Variants in MARCHF1 observed in about 807,000 individuals in gnomAD.
MARCHF1 encodes E3 ubiquitin-protein ligase MARCHF1.
MARCHF1 carries 40 observed loss-of-function variants against 54.2 expected under a neutral mutation model. The observed-to-expected ratio is 0.74, with a 90% CI of 0.57 to 0.96. MARCHF1 has a LOEUF of 0.96. MARCHF1 is among the 40% of genes least tolerant of loss of function. MARCHF1 has a pLI of 0.00. For missense variants in MARCHF1, 586 were observed against 656.5 expected (o/e 0.89, Z 1.17); for synonymous variants, 236 against 236.3 (o/e 1.00, Z 0.01).
intron 2 of MARCHF1, among the ~76,000 whole-genome samples, chr4:163,991,348 T>C (rs1459865022): frequency 6.6e-6 from 1 of 152,206 alleles, no homozygotes; most frequent in East Asian, 1.9e-4. Flanking sequence ...ACTTTGTACA[T>C]TCTAATACTT....
chr4:164,085,506 T>C (rs1447642215), intron 2 of MARCHF1, among the ~76,000 whole-genome samples: 1 of 151,854 alleles, frequency 6.6e-6, no homozygotes, highest in Non-Finnish European at 1.5e-5. Context: ...AAGAAAATTA[T>C]TTTCTCCAAC....
intron 4 of MARCHF1, among the ~76,000 whole-genome samples, chr4:163,832,582 A>ATATTATTATTATTATTAT (rs5863633): frequency 1.3e-4 from 19 of 147,620 alleles, no homozygotes; most frequent in East Asian, 5.9e-4. Flanking sequence ...TGGATCCAAA[A>ATATTATTATTATTATTAT]TATTATTATT....
Position 164,260,496 on chromosome 4 carries a change from A to T in MARCHF1, c.-323+123374T>A, listed in dbSNP as rs1297404375. Among the ~76,000 whole-genome samples the T allele has an allele frequency of 6.6e-5, 10 of 152,074 alleles. No homozygotes were observed. In the South Asian group the frequency reaches 2.1e-3, roughly 32 times the overall value. On this transcript the variant is annotated intron_variant, in intron 1 of 9. Transcript: ENST00000514618. ...AGCTGGCACACTTTTTCCAGTAGCC[A>T]TTCTACTTGGTATGCTTACTTATCA... is the stretch of plus-strand genomic sequence containing the variant.
chr4:163,715,789 A>G (rs1480515113), intron 4 of MARCHF1, among the ~76,000 whole-genome samples: 1 of 152,200 alleles, frequency 6.6e-6, no homozygotes, highest in Non-Finnish European at 1.5e-5. Flanking sequence ...CTCTGCTCCA[A>G]TCTCAAAAAC....
At chr4:164,234,075 C>T (rs1194434382) in intron 1 of MARCHF1, among the ~76,000 whole-genome samples, 1 of 152,078 alleles carries the variant, frequency 6.6e-6, no homozygotes, top group Non-Finnish European at 1.5e-5. Context: ...CAATTGAGGT[C>T]TATTTTGACA....
At chr4:164,204,123 T>G (rs1185797243) in intron 1 of MARCHF1, among the ~76,000 whole-genome samples, 1 of 152,146 alleles carries the variant, frequency 6.6e-6, no homozygotes, top group African/African-American at 2.4e-5. Flanking sequence ...CTTGATTATG[T>G]TTCTCTGTCT....
chr4:164,077,402 T>C (rs564209136), intron 2 of MARCHF1, among the ~76,000 whole-genome samples: 3 of 152,154 alleles, frequency 2.0e-5, no homozygotes, highest in African/African-American at 7.2e-5. Flanking sequence ...AAGACTGAAA[T>C]GTAAGACCTA....
chr4:164,265,927 G>T (rs1012187432), intron 1 of MARCHF1, among the ~76,000 whole-genome samples: 2 of 152,080 alleles, frequency 1.3e-5, no homozygotes, highest in Admixed American at 1.3e-4. Flanking sequence ...ACATAGTATC[G>T]AATCAAATTT....
chr4:164,041,389 T>A (rs1754126119), intron 2 of MARCHF1, among the ~76,000 whole-genome samples: 1 of 152,174 alleles, frequency 6.6e-6, no homozygotes, highest in African/African-American at 2.4e-5. Flanking sequence ...CATTGTCCTA[T>A]CTCAAACAGC....
chr4:164,193,733 G>A lies in MARCHF1; in HGVS notation c.-322-82071C>T, dbSNP rs555712573. On this transcript the variant is annotated intron_variant, in intron 1 of 9. Coordinates refer to ENST00000514618, the MANE Select transcript of MARCHF1 (RefSeq NM_001394959.1). ...ACATTTAAAAAATGAGTGGGTAAAT[G>A]AACAAATGCTGTCCAAAATCACCCT... Among the ~76,000 whole-genome samples the A allele has an allele frequency of 5.3e-5, 8 of 152,202 alleles. No individual in the cohort carries two copies. In the East Asian group the frequency reaches 1.4e-3, roughly 26 times the overall value.
At chr4:163,820,458 G>GA (rs1042656863) in intron 4 of MARCHF1, among the ~76,000 whole-genome samples, 2 of 151,896 alleles carry the variant, frequency 1.3e-5, no homozygotes, top group African/African-American at 4.8e-5. Flanking sequence ...CTTTCACTGG[G>GA]AAAAATCATT....
chr4:163,743,119 G>C lies in MARCHF1; in HGVS notation c.112-42256C>G, dbSNP rs115898178. On this transcript the variant is annotated intron_variant, in intron 4 of 9. Transcript: ENST00000514618. ...AACAATATCCTTGATTCCAATTTTA[G>C]AAGAGCTACTGGGGGAAGAGGACAG... 7.7e-3 allele frequency among the ~76,000 whole-genome samples: 1,171 copies of C among 152,242 alleles called. 8 individuals are homozygous for C. The highest frequency in any genetic ancestry group is 0.021 in the South Asian group (103 of 4,816).
At chr4:163,923,475 T>C (rs1751474123) in intron 3 of MARCHF1, among the ~76,000 whole-genome samples, 1 of 152,082 alleles carries the variant, frequency 6.6e-6, no homozygotes, top group African/African-American at 2.4e-5. Context: ...GTAGTTCTTT[T>C]AAGATTTCTT....
intron 1 of MARCHF1, among the ~76,000 whole-genome samples, chr4:164,351,896 C>A (rs1353863097): frequency 6.9e-6 from 1 of 144,340 alleles, no homozygotes; most frequent in African/African-American, 2.5e-5. Flanking sequence ...CTAGAAGAAC[C>A]AATACAGACA....
intron 4 of MARCHF1, among the ~76,000 whole-genome samples, chr4:163,724,312 G>A (rs193139534): frequency 9.8e-5 from 15 of 152,348 alleles, no homozygotes; most frequent in African/African-American, 3.1e-4. Context: ...AAGCAGCAGA[G>A]GCTGCAGAAC....
chr4:164,344,291 G>T (rs1162068226), intron 1 of MARCHF1, among the ~76,000 whole-genome samples: 1 of 152,154 alleles, frequency 6.6e-6, no homozygotes, highest in Non-Finnish European at 1.5e-5. Context: ...TATTACTGGA[G>T]TGAAAAAATA....
At chr4:164,284,372 G>A (rs1310137315) in intron 1 of MARCHF1, among the ~76,000 whole-genome samples, 1 of 149,874 alleles carries the variant, frequency 6.7e-6, no homozygotes, top group African/African-American at 2.5e-5. Context: ...GCAAGAACAA[G>A]CTGGTCTGGC....
At chr4:163,982,738 A>C (rs1006690961) in intron 3 of MARCHF1, among the ~76,000 whole-genome samples, 1 of 152,176 alleles carries the variant, frequency 6.6e-6, no homozygotes, top group African/African-American at 2.4e-5. Context: ...AAACTTCAGC[A>C]TTGGGAGCAT....
chr4:164,053,436 C>A (rs781580040), intron 2 of MARCHF1, among the ~76,000 whole-genome samples: 42 of 152,182 alleles, frequency 2.8e-4, no homozygotes, highest in Non-Finnish European at 5.4e-4. Context: ...CTCATACAGT[C>A]TGTGATGCTA....
Sources: allele counts gnomAD v4.1 joint callset (sites outside exome capture counted in the v4.1 genomes callset), GRCh38; gene constraint gnomAD v4.1.1; transcripts MANE v1.5; gene names NCBI Gene and HGNC (gene_info 2026-07-23, HGNC 2026-07-21).